Variants in RBM25 observed in about 807,000 individuals in gnomAD.
RBM25 encodes the protein RNA binding motif protein 25.
Under a neutral mutation model 120.7 loss-of-function variants are expected in RBM25, and 19 were observed. That is an observed-to-expected ratio of 0.16 (90% CI 0.11 to 0.23). RBM25 has a LOEUF of 0.23. Among genes scored for constraint, RBM25 ranks in the 10% least tolerant of loss-of-function variants. RBM25 has a pLI of 1.00. For missense variants in RBM25, 605 were observed against 1,041.5 expected (o/e 0.58, Z 5.77); for synonymous variants, 390 against 326.7 (o/e 1.19, Z -2.09).
At chr14:73,064,601 G>A (rs1430844681) in intron 1 of RBM25, among the ~76,000 whole-genome samples, 4 of 151,162 alleles carry the variant, frequency 2.6e-5, no homozygotes, top group Non-Finnish European at 5.9e-5. Flanking sequence ...CACCATGTTG[G>A]CCAGTCTGGC....
chr14:73,112,474 C>A (rs189523028), intron 17 of RBM25, among the ~76,000 whole-genome samples: 13 of 152,068 alleles, frequency 8.5e-5, no homozygotes, highest in Admixed American at 8.5e-4. Context: ...CCTTTCCATC[C>A]AACTTCAGAC....
chr14:73,114,378 A>C, intron 18 of RBM25, 45 bp downstream of exon 18: 1 of 1,455,762 alleles, frequency 6.9e-7, no homozygotes, highest in South Asian at 1.3e-5. Flanking sequence ...ATTTAAAAAA[A>C]GTTTTTGGTT....
At position 73,123,473 on chromosome 14, in the gene RBM25, A is replaced by G. The variant is rs998946864; in HGVS notation, c.*3668A>G. 2.6e-5 allele frequency: 4 copies of G among 152,182 alleles called. No individual in the cohort carries two copies. Among genetic ancestry groups the G allele is most frequent in the African/African-American group, 9.7e-5 (4 of 41,430 alleles). 9.4% of individuals were successfully genotyped at this position (152,182 alleles called of 1,614,324 possible). A position where few individuals can be genotyped will look rare whatever the true frequency, so the allele number is the denominator to read the frequency against. On this transcript the variant is annotated 3_prime_UTR_variant, in exon 19 of 19. Transcript: ENST00000261973. ...CTTCTGTTAAGTATGAAATTGAGAA[A>G]TAGTTTTGCTCAACAAAAGATGATG...
intron 6 of RBM25, among the ~76,000 whole-genome samples, chr14:73,090,630 A>G (rs1024426441): frequency 6.6e-6 from 1 of 152,240 alleles, no homozygotes; most frequent in Non-Finnish European, 1.5e-5. Flanking sequence ...GCAGATCTTT[A>G]TAGCTGTTTT....
chr14:73,083,795 G>C (rs912497560), intron 5 of RBM25, among the ~76,000 whole-genome samples: 1 of 152,042 alleles, frequency 6.6e-6, no homozygotes, highest in Admixed American at 6.6e-5. Context: ...CAATTTAACT[G>C]GTTTCTTGTT....
At chr14:73,095,790 C>G (rs1895929130) in intron 6 of RBM25, among the ~76,000 whole-genome samples, 1 of 152,014 alleles carries the variant, frequency 6.6e-6, no homozygotes, top group African/African-American at 2.4e-5. Flanking sequence ...GAATTATGAC[C>G]AAGAGCCAGG....
intron 4 of RBM25, among the ~76,000 whole-genome samples, chr14:73,081,050 C>T (rs766528711): frequency 6.6e-6 from 1 of 151,980 alleles, no homozygotes; most frequent in Non-Finnish European, 1.5e-5. Context: ...GTCTGGTACT[C>T]CTGACCTCCA....
At chr14:73,066,036 T>G (rs1895124523) in intron 1 of RBM25, among the ~76,000 whole-genome samples, 1 of 152,150 alleles carries the variant, frequency 6.6e-6, no homozygotes, top group African/African-American at 2.4e-5. Flanking sequence ...TCAGAGTTTG[T>G]TTACTGATTT....
chr14:73,107,841 C>A lies in RBM25; in HGVS notation c.1483C>A (p.Arg495=). 1 of 1,598,118 alleles carries A rather than the reference C, an allele frequency of 6.3e-7. No individual in the cohort carries two copies. Among genetic ancestry groups the A allele is most frequent in the South Asian group, 1.1e-5 (1 of 89,670 alleles). The change falls in exon 13 of 19, where the codon CGA becomes AGA. Residue 495 remains arginine, a synonymous_variant. Transcript: ENST00000261973. ...RRREMAKEAK[R]LKEFLEDYDD... ...TTCCTCAAAGGCCAAAGAAGCTAAA[C>A]GACTAAAAGAATTCTTAGAAGACTA...
In RBM25 at chr14:73,123,373, C is replaced by T. The variant is rs984144951; in HGVS notation, c.*3568C>T. 1.1e-4 allele frequency: 17 copies of T among 151,998 alleles called. No individual in the cohort carries two copies. The highest frequency in any genetic ancestry group is 2.2e-4 in the Non-Finnish European group (15 of 68,012). The allele number at this position is 151,998 out of a possible 1,614,324, so 9.4% of individuals were successfully genotyped here. On this transcript the variant is annotated 3_prime_UTR_variant, in exon 19 of 19. Transcript: ENST00000261973. ...CTTTTTAACAGGTTTTATGATATCC[C>T]CAATTTATACCCAAAAGACTGCTGA...
At chr14:73,104,362 A>G (rs113302154) in intron 10 of RBM25, among the ~76,000 whole-genome samples, 80 of 151,016 alleles carry the variant, frequency 5.3e-4, no homozygotes, top group African/African-American at 1.7e-3. Flanking sequence ...AAATTTTTTA[A>G]TTATATTGAT....
intron 10 of RBM25, 149 bp from the exon 11 acceptor site, chr14:73,105,710 A>T (rs1041257487): frequency 1.7e-6 from 2 of 1,210,118 alleles, no homozygotes; most frequent in African/African-American, 1.5e-5. Context: ...ATGAGTGTAG[A>T]GGAGGTTACA....
At chr14:73,104,134 T>A in intron 10 of RBM25, among the ~76,000 whole-genome samples, 1 of 152,064 alleles carries the variant, frequency 6.6e-6, no homozygotes, top group Non-Finnish European at 1.5e-5. Context: ...GCTGTCTCCT[T>A]GGGTCCGTGG....
At chr14:73,099,785 A>G in intron 9 of RBM25, 35 bp downstream of exon 9, 2 of 1,562,260 alleles carry the variant, frequency 1.3e-6, no homozygotes, top group Non-Finnish European at 1.7e-6. Flanking sequence ...ATACCAATCT[A>G]GACTTTTTAC....
At chr14:73,078,179 T>C (rs1476130851) in intron 4 of RBM25, among the ~76,000 whole-genome samples, 1 of 152,098 alleles carries the variant, frequency 6.6e-6, no homozygotes, top group Non-Finnish European at 1.5e-5. Flanking sequence ...GGCGTGTGCC[T>C]GTAATCTCAG....
chr14:73,068,579 C>T (rs926787693), intron 1 of RBM25: 2 of 563,490 alleles, frequency 3.5e-6, no homozygotes, highest in Non-Finnish European at 6.7e-6. Context: ...TGCCAGTGTA[C>T]GGTAGATCTG....
chr14:73,060,717 C>T (rs1894984726), intron 1 of RBM25, among the ~76,000 whole-genome samples: 1 of 151,334 alleles, frequency 6.6e-6, no homozygotes. Context: ...TTGGTATTGG[C>T]TTTTAACTTT....
intron 17 of RBM25, 85 bp from the exon 18 acceptor site, chr14:73,114,201 T>A (rs1896375385): frequency 1.0e-6 from 1 of 957,632 alleles, no homozygotes; most frequent in South Asian, 1.6e-5. Flanking sequence ...CCTGTATGAA[T>A]TTGAGGATTC....
chr14:73,103,930 TCTCTCTCTCTCTCTCTCTCA>T (rs1566597293), intron 10 of RBM25, among the ~76,000 whole-genome samples: 32 of 77,582 alleles, frequency 4.1e-4, no homozygotes, highest in Admixed American at 1.1e-3. Context: ...TCTCTCTCTC[TCTCTCTCTCTCTCTCTCTCA>T]CACACACACA....
Sources: allele counts gnomAD v4.1 joint callset (sites outside exome capture counted in the v4.1 genomes callset), GRCh38; gene constraint gnomAD v4.1.1; transcripts MANE v1.5; gene names NCBI Gene and HGNC (gene_info 2026-07-23, HGNC 2026-07-21).